Variants in KRAS observed in about 807,000 individuals in gnomAD.
KRAS encodes the protein KRas proto-oncogene, GTPase, also known as GTPase KRas.
KRAS carries 1 observed loss-of-function variant against 21.0 expected under a neutral mutation model. That is an observed-to-expected ratio of 0.05 (90% CI 0.02 to 0.23). The LOEUF (loss-of-function observed/expected upper bound fraction) is 0.23, where lower values mean the gene tolerates loss of function less well. Among genes scored for constraint, KRAS ranks in the 10% least tolerant of loss-of-function variants. The pLI is 1.00. For synonymous variants in KRAS, 67 were observed against 72.5 expected, an observed-to-expected ratio of 0.92 and a Z score of 0.39; for missense variants, 107 against 221.8, an observed-to-expected ratio of 0.48 and a Z score of 3.29.
chr12:25,227,608 G>C (rs1951409735), intron 2 of KRAS, among the ~76,000 whole-genome samples, 196 bp from the exon 3 acceptor site: 1 of 151,976 alleles, frequency 6.6e-6, no homozygotes, highest in Admixed American at 6.6e-5. Flanking sequence ...TCAATAGTCA[G>C]GAAAATAAAA....
intron 2 of KRAS, chr12:25,234,174 T>G (rs1054506535): frequency 1.2e-5 from 2 of 170,328 alleles, no homozygotes; most frequent in Non-Finnish European, 2.5e-5. Flanking sequence ...AATTTTACCT[T>G]CAATTAAATT....
intron 1 of KRAS, among the ~76,000 whole-genome samples, chr12:25,246,641 G>A (rs1951685859): frequency 2.6e-5 from 4 of 152,130 alleles, no homozygotes; most frequent in Admixed American, 2.0e-4. Context: ...AGTGAGCCGG[G>A]CACGGTGGCT....
intron 4 of KRAS, among the ~76,000 whole-genome samples, chr12:25,224,480 GAT>G (rs1405117140): frequency 6.6e-6 from 1 of 151,980 alleles, no homozygotes; most frequent in Non-Finnish European, 1.5e-5. Context: ...ACAGAATAAA[GAT>G]ATAAGGAAAG....
In KRAS at chr12:25,209,194, G is replaced by GA. The variant is rs1370302853; in HGVS notation, c.*600dup. On this transcript the variant is annotated 3_prime_UTR_variant, in exon 5 of 5. Transcript: ENST00000311936. Reference sequence around the variant, plus strand: ...TTTTTTCCATTTTTTTCTTTTTATAGAAAAAATATAATATTTTGGGGAGAG... The same window carrying GA: ...TTTTTTCCATTTTTTTCTTTTTATAGAAAAAAATATAATATTTTGGGGAGAG... 6 of 661,042 alleles carry GA rather than the reference G, an allele frequency of 9.1e-6. No homozygotes were observed. Among genetic ancestry groups the GA allele is most frequent in the Non-Finnish European group, 1.4e-5 (5 of 367,946 alleles). 40.9% of individuals were successfully genotyped at this position (661,042 alleles called of 1,614,324 possible).
At chr12:25,237,594 C>T (rs759648174) in intron 2 of KRAS, among the ~76,000 whole-genome samples, 1 of 152,072 alleles carries the variant, frequency 6.6e-6, no homozygotes, top group Non-Finnish European at 1.5e-5. Flanking sequence ...TGGGAGTCTT[C>T]GATCCATGGA....
intron 4 of KRAS, among the ~76,000 whole-genome samples, chr12:25,223,372 C>T (rs1336079161): frequency 6.6e-6 from 1 of 151,940 alleles, no homozygotes; most frequent in Non-Finnish European, 1.5e-5. Flanking sequence ...ACCTTCTCTC[C>T]TAAGAAAAGT....
At position 25,245,347 on chromosome 12, in the gene KRAS, C is replaced by T. The variant is rs112445441; in HGVS notation, c.38G>A (p.Gly13Asp). Residue 13 changes from glycine (G) to aspartate (D), a missense_variant, in exon 2 of 5, where the codon GGC (glycine) becomes GAC (aspartate). Gly to Asp is a moderately conservative substitution (Grantham distance 94). This residue lies in a region of KRAS where 42 missense variants were observed against 139.4 expected (regional missense o/e 0.30). Coordinates refer to ENST00000311936, the MANE Select transcript of KRAS (RefSeq NM_004985.5). Reference sequence around the variant, plus strand: ...TATCGTCAAGGCACTCTTGCCTACGCCACCAGCTCCAACTACCACAAGTTT... The same window carrying T: ...TATCGTCAAGGCACTCTTGCCTACGTCACCAGCTCCAACTACCACAAGTTT... ...EYKLVVVGAG[G>D]VGKSALTIQL... is the part of the protein sequence containing the mutation. The T allele has an allele frequency of 3.1e-6, 5 of 1,612,796 alleles. No individual in the cohort carries two copies. The highest frequency in any genetic ancestry group is 4.2e-6 in the Non-Finnish European group (5 of 1,179,366).
chr12:25,213,123 T>C (rs1951215972), intron 4 of KRAS, among the ~76,000 whole-genome samples: 2 of 152,152 alleles, frequency 1.3e-5, no homozygotes, highest in Admixed American at 1.3e-4. Flanking sequence ...CCAAGTATAC[T>C]TCTCTTTTAT....
chr12:25,226,947 T>C (rs1489622415), intron 3 of KRAS, among the ~76,000 whole-genome samples: 1 of 152,112 alleles, frequency 6.6e-6, no homozygotes, highest in Non-Finnish European at 1.5e-5. Context: ...ATCTAAAAAG[T>C]TTAAAGTCTT....
chr12:25,242,898 T>C (rs943484910), intron 2 of KRAS, among the ~76,000 whole-genome samples: 2 of 152,180 alleles, frequency 1.3e-5, no homozygotes, highest in African/African-American at 4.8e-5. Context: ...AGAGACATTA[T>C]TGAAAGAAAC....
chr12:25,207,538 G>T lies in KRAS; in HGVS notation c.*2257C>A. On this transcript the variant is annotated 3_prime_UTR_variant, in exon 5 of 5. Coordinates refer to ENST00000311936, the MANE Select transcript of KRAS (RefSeq NM_004985.5). ...ACCAAAAAAAAAAAGTAAGCTTCAT[G>T]AATTAAAGTATTTTTCATTGCATGA... 1 of 217,428 alleles carries T rather than the reference G, an allele frequency of 4.6e-6. No homozygotes were observed. The highest frequency in any genetic ancestry group is 6.9e-5 in the East Asian group (1 of 14,564). The allele number at this position is 217,428 out of a possible 1,614,324, so 13.5% of individuals were successfully genotyped here.
chr12:25,212,779 G>A (rs971789885), intron 4 of KRAS, among the ~76,000 whole-genome samples: 1 of 151,942 alleles, frequency 6.6e-6, no homozygotes, highest in Non-Finnish European at 1.5e-5. Flanking sequence ...CTAAAGGTGG[G>A]GTCTCATTAC....
chr12:25,247,963 GT>G, intron 1 of KRAS, among the ~76,000 whole-genome samples: 1 of 151,958 alleles, frequency 6.6e-6, no homozygotes, highest in East Asian at 1.9e-4. Context: ...TTAAAAAATT[GT>G]TTTAATTTCC....
intron 4 of KRAS, among the ~76,000 whole-genome samples, chr12:25,224,215 C>T (rs961166498): frequency 2.3e-5 from 3 of 127,978 alleles, no homozygotes; most frequent in Admixed American, 7.7e-5. Context: ...AAAAAGTTAA[C>T]TATAAACAGC....
At chr12:25,219,871 A>G (rs774315001) in intron 4 of KRAS, among the ~76,000 whole-genome samples, 5 of 152,240 alleles carry the variant, frequency 3.3e-5, no homozygotes, top group African/African-American at 7.2e-5. Context: ...GACATAGCAC[A>G]TAAGGAGGTT....
rs886049199 is a variant in KRAS at position 25,250,867 on chromosome 12, G to A, written c.-128C>T. The A allele has an allele frequency of 2.4e-5, 6 of 247,196 alleles. No homozygotes were observed. Among genetic ancestry groups the A allele is most frequent in the Middle Eastern group, 2.5e-3 (2 of 798 alleles). 15.3% of individuals were successfully genotyped at this position (247,196 alleles called of 1,614,324 possible). A position where few individuals can be genotyped will look rare whatever the true frequency, so the allele number is the denominator to read the frequency against. On this transcript the variant is annotated 5_prime_UTR_variant, in exon 1 of 5. Transcript: ENST00000311936. ...GGCCGGGAGTACTGGCCGAGCCGCCGCCACCTTCGCCGCCGCCACTGCCGC... is the reference window on the plus strand; with the variant it reads ...GGCCGGGAGTACTGGCCGAGCCGCCACCACCTTCGCCGCCGCCACTGCCGC...
At chr12:25,227,135 T>A in intron 3 of KRAS, 99 bp downstream of exon 3, 1 of 781,352 alleles carries the variant, frequency 1.3e-6, no homozygotes, top group Non-Finnish European at 2.0e-6. Context: ...ATTTAAAAAT[T>A]TTTATTAAAT....
chr12:25,246,198 A>C (rs1420165923), intron 1 of KRAS, among the ~76,000 whole-genome samples: 2 of 151,606 alleles, frequency 1.3e-5, no homozygotes, highest in Non-Finnish European at 2.9e-5. Flanking sequence ...GCTAAAAACC[A>C]AGAGAACTCC....
intron 2 of KRAS, among the ~76,000 whole-genome samples, chr12:25,229,257 A>T (rs1951435251): frequency 6.6e-6 from 1 of 152,218 alleles, no homozygotes; most frequent in Non-Finnish European, 1.5e-5. Flanking sequence ...ATTATTCAAG[A>T]TGATTTAAAT....
Sources: allele counts gnomAD v4.1 joint callset (sites outside exome capture counted in the v4.1 genomes callset), GRCh38; gene constraint gnomAD v4.1.1; regional missense constraint gnomAD v4.1.1; transcripts MANE v1.5; gene names NCBI Gene and HGNC (gene_info 2026-07-23, HGNC 2026-07-21).